Variants in ATRN observed in about 807,000 individuals in gnomAD.
The protein encoded by ATRN is attractin-2.
Under a neutral mutation model 178.7 loss-of-function variants are expected in ATRN, and 54 were observed. That is an observed-to-expected ratio of 0.30 (90% CI 0.24 to 0.38). The LOEUF (loss-of-function observed/expected upper bound fraction) is 0.38. ATRN is among the 10% of genes least tolerant of loss of function. ATRN has a pLI of 1.00. For synonymous variants in ATRN, 636 were observed against 663.0 expected (o/e 0.96, Z 0.63); for missense variants, 1,443 against 1,815.1 (o/e 0.79, Z 3.73).
intron 24 of ATRN, among the ~76,000 whole-genome samples, chr20:3,614,445 G>A (rs553261613): frequency 6.6e-6 from 1 of 152,266 alleles, no homozygotes; most frequent in Non-Finnish European, 1.5e-5. Context: ...TGCGTGCTGG[G>A]TGTTTCATCT....
At position 3,646,957 on chromosome 20, in the gene ATRN, G is replaced by A; in HGVS notation, c.*110G>A. 1 of 1,386,920 alleles carries A rather than the reference G, an allele frequency of 7.2e-7. No homozygotes were observed. Among genetic ancestry groups the A allele is most frequent in the South Asian group, 1.6e-5 (1 of 64,456 alleles). The allele number at this position is 1,386,920 out of a possible 1,614,324, so 85.9% of individuals were successfully genotyped here. A position where few individuals can be genotyped will look rare whatever the true frequency, so the allele number is the denominator to read the frequency against. ...GCTGTGCGGTGCGGGACGGAAGACT[G>A]GAAACCCTCAAAGCATCTGACTCAC... On this transcript the variant is annotated 3_prime_UTR_variant, in exon 29 of 29. Coordinates refer to ENST00000262919, the MANE Select transcript of ATRN (RefSeq NM_139321.3).
chr20:3,577,277 C>T (rs1181461803), intron 14 of ATRN, among the ~76,000 whole-genome samples: 1 of 152,178 alleles, frequency 6.6e-6, no homozygotes, highest in Non-Finnish European at 1.5e-5. Context: ...TTGTCTCTTT[C>T]CCATCCACCT....
intron 18 of ATRN, 21 bp from the exon 19 acceptor site, chr20:3,591,148 T>C (rs375594637): frequency 3.0e-4 from 489 of 1,613,312 alleles, no homozygotes; most frequent in Non-Finnish European, 4.0e-4. Context: ...TACAGACCCC[T>C]TGAAACTCTT....
At chr20:3,604,988 T>C (rs181676710) in intron 24 of ATRN, among the ~76,000 whole-genome samples, 1 of 152,340 alleles carries the variant, frequency 6.6e-6, no homozygotes, top group East Asian at 1.9e-4. Flanking sequence ...TTCTGCTTCT[T>C]ACCTTCTTCA....
At chr20:3,528,854 C>T (rs1048673739) in intron 1 of ATRN, among the ~76,000 whole-genome samples, 2 of 152,148 alleles carry the variant, frequency 1.3e-5, no homozygotes, top group Non-Finnish European at 2.9e-5. Flanking sequence ...CCTCTGTCAT[C>T]CAAGCTGCAG....
rs2086604802 is a variant in ATRN, at chr20:3,601,326, C to T, written c.3643+302C>T. Among the ~76,000 whole-genome samples the T allele has an allele frequency of 1.3e-5, 2 of 152,180 alleles. 1 individual carries two copies. Among genetic ancestry groups the T allele is most frequent in the South Asian group, 4.1e-4 (2 of 4,828 alleles). ...TCAGTGTGTGGTTACTACCCTAGCC[C>T]ACCACCACCATTTCTGTTCTTGCTG... On this transcript the variant is annotated intron_variant, in intron 23 of 28. Coordinates refer to ENST00000262919, the MANE Select transcript of ATRN (RefSeq NM_139321.3).
chr20:3,578,041 T>C (rs546738750), intron 14 of ATRN, among the ~76,000 whole-genome samples: 4 of 152,354 alleles, frequency 2.6e-5, no homozygotes, highest in African/African-American at 9.6e-5. Flanking sequence ...GCTTGTCTTG[T>C]ATGCTATAGC....
rs752643719 is a variant in ATRN, at chr20:3,576,970, C to T, written c.2326C>T (p.Arg776Trp). The change falls in exon 14 of 29, where the codon CGG (arginine) becomes TGG (tryptophan). Residue 776 changes from arginine to tryptophan, a missense_variant. Arg to Trp is a moderately radical substitution (Grantham distance 101). Transcript: ENST00000262919. ...ALDQNCQWEP[R>W]NQECIALPEN... ...GGACCAGAACTGCCAGTGGGAGCCC[C>T]GGAATCAGGAGTGCATTGCCCTGCC... The T allele has an allele frequency of 3.7e-6, 6 of 1,613,952 alleles. No homozygotes were observed.
At chr20:3,563,490 AT>A in intron 10 of ATRN, 127 bp downstream of exon 10, 3 of 928,584 alleles carry the variant, frequency 3.2e-6, no homozygotes, top group Non-Finnish European at 4.7e-6. Flanking sequence ...TCCAAATGGT[AT>A]TTTTTATATT....
intron 24 of ATRN, among the ~76,000 whole-genome samples, chr20:3,612,963 T>C (rs934529143): frequency 2.1e-4 from 32 of 152,196 alleles, no homozygotes; most frequent in Non-Finnish European, 7.4e-5. Flanking sequence ...CAGTTCCCTA[T>C]TGCTCCACCC....
Position 3,597,918 on chromosome 20 carries a change from T to C in ATRN, c.3482T>C (p.Ile1161Thr), listed in dbSNP as rs766004127. The change falls in exon 22 of 29, where the codon ATT (isoleucine) becomes ACT (threonine). Residue 1161 changes from isoleucine (I) to threonine (T), a missense_variant. This residue lies in a region of ATRN where 289 missense variants were observed against 440.8 expected (regional missense o/e 0.66). Transcript: ENST00000262919. ...TTTCTTTCCATAGATACTCTTCTTA[T>C]TGACTATCAGTTCACCTTTAGTCTA... ...LRGTCYYTLL[I>T]DYQFTFSLSQ... 7 of 1,599,820 alleles carry C rather than the reference T, an allele frequency of 4.4e-6. No individual in the cohort carries two copies. The highest frequency in any genetic ancestry group is 4.5e-5 in the East Asian group (2 of 44,808).
intron 1 of ATRN, among the ~76,000 whole-genome samples, chr20:3,528,932 C>T (rs1221433852): frequency 6.6e-6 from 1 of 152,096 alleles, no homozygotes; most frequent in Non-Finnish European, 1.5e-5. Flanking sequence ...TCTACCTTAA[C>T]CTCCCAAGTA....
At chr20:3,624,328 CTA>C (rs2086920051) in intron 24 of ATRN, among the ~76,000 whole-genome samples, 181 bp from the exon 25 acceptor site, 1 of 152,166 alleles carries the variant, frequency 6.6e-6, no homozygotes, top group Non-Finnish European at 1.5e-5. Context: ...CAGTGTATTG[CTA>C]TGGGACTGGC....
chr20:3,497,195 C>G (rs2084892173), intron 1 of ATRN, among the ~76,000 whole-genome samples: 1 of 147,696 alleles, frequency 6.8e-6, no homozygotes. Context: ...TGAATTTGAT[C>G]CTGTCATTAT....
intron 1 of ATRN, among the ~76,000 whole-genome samples, chr20:3,473,452 C>A (rs2084462127): frequency 1.3e-5 from 2 of 152,142 alleles, no homozygotes; most frequent in Non-Finnish European, 1.5e-5. Context: ...GGGAGCTTGG[C>A]AAGACTGGAG....
At chr20:3,529,395 G>A (rs150198322) in intron 1 of ATRN, among the ~76,000 whole-genome samples, 3 of 152,220 alleles carry the variant, frequency 2.0e-5, no homozygotes, top group East Asian at 1.9e-4. Flanking sequence ...AGATTTATAC[G>A]TGTCTTAACT....
chr20:3,618,195 A>G (rs1254289721), intron 24 of ATRN, among the ~76,000 whole-genome samples: 1 of 152,168 alleles, frequency 6.6e-6, no homozygotes, highest in Non-Finnish European at 1.5e-5. Context: ...ATGGCACAGG[A>G]ACTAACAGAG....
At chr20:3,529,178 C>T (rs577374243) in intron 1 of ATRN, among the ~76,000 whole-genome samples, 12 of 151,712 alleles carry the variant, frequency 7.9e-5, no homozygotes, top group African/African-American at 2.9e-4. Flanking sequence ...ATAGTGCATA[C>T]CTACTGGAAT....
intron 3 of ATRN, among the ~76,000 whole-genome samples, chr20:3,540,556 G>C (rs1329664808): frequency 6.6e-6 from 1 of 152,142 alleles, no homozygotes; most frequent in African/African-American, 2.4e-5. Context: ...TCTCTTTTCA[G>C]TGCCCTGATC....
Sources: gnomAD v4.1 joint callset for allele counts (sites outside exome capture counted in the v4.1 genomes callset) on GRCh38, gnomAD v4.1.1 for gene constraint, gnomAD v4.1.1 regional missense constraint, MANE v1.5 for transcripts, NCBI Gene and HGNC (gene_info 2026-07-23, HGNC 2026-07-21) for gene names.